Variants in ACTR3C observed in about 807,000 individuals in gnomAD.
ACTR3C encodes actin-related protein 3C.
A neutral mutation model predicts 26.3 loss-of-function variants in ACTR3C; 18 were observed. The observed-to-expected ratio is 0.68, with a 90% CI of 0.47 to 1.01. The LOEUF (loss-of-function observed/expected upper bound fraction) is 1.01. Among genes scored for constraint, ACTR3C ranks in the 50% least tolerant of loss-of-function variants. The pLI is 0.00. For synonymous variants in ACTR3C, 55 were observed against 94.5 expected (o/e 0.58, Z 2.42); for missense variants, 184 against 250.7 (o/e 0.73, Z 1.80).
the ACTR3C span, among the ~76,000 whole-genome samples, chr7:149,962,507 C>T: frequency 2.0e-5 from 3 of 151,994 alleles, no homozygotes; most frequent in African/African-American, 2.4e-5. Context: ...AGGAGCACAT[C>T]GGGAGTCAGG....
chr7:150,285,171 C>T (rs1248172863), intron 5 of ACTR3C, among the ~76,000 whole-genome samples: 1 of 152,104 alleles, frequency 6.6e-6, no homozygotes, highest in East Asian at 1.9e-4. Context: ...ATCTACGTGA[C>T]ACGCAGTGAG....
intron 1 of ACTR3C, among the ~76,000 whole-genome samples, chr7:150,317,969 G>A (rs1371223261): frequency 3.3e-5 from 5 of 152,126 alleles, no homozygotes. Context: ...TGTTAAAAAG[G>A]ACTCTTTATA....
At chr7:149,920,367 C>T in the ACTR3C span, among the ~76,000 whole-genome samples, 1 of 151,278 alleles carries the variant, frequency 6.6e-6, no homozygotes, top group Non-Finnish European at 1.5e-5. Context: ...AGTGCAGTGG[C>T]GCAGTCACAA....
chr7:149,906,533 G>A, the ACTR3C span, among the ~76,000 whole-genome samples: 7,909 of 145,334 alleles, frequency 0.054, 262 homozygotes, highest in African/African-American at 0.094. Context: ...CCGGATTCAA[G>A]TGAGTCTCCT....
At chr7:150,163,364 G>A in the ACTR3C span, among the ~76,000 whole-genome samples, 1 of 149,248 alleles carries the variant, frequency 6.7e-6, no homozygotes, top group Non-Finnish European at 1.5e-5. Flanking sequence ...GTGTGTGTGT[G>A]TATATATATA....
At chr7:150,030,962 T>TA in the ACTR3C span, among the ~76,000 whole-genome samples, 4 of 152,132 alleles carry the variant, frequency 2.6e-5, no homozygotes, top group Admixed American at 6.5e-5. Context: ...GGCATCATTG[T>TA]AAAAAAATCT....
chr7:150,082,618 A>G, the ACTR3C span, among the ~76,000 whole-genome samples: 12 of 152,114 alleles, frequency 7.9e-5, no homozygotes, highest in Non-Finnish European at 1.8e-4. Context: ...GGTTCCATGG[A>G]TATGCATAAT....
chr7:149,904,269 C>T, the ACTR3C span, among the ~76,000 whole-genome samples: 2 of 150,102 alleles, frequency 1.3e-5, no homozygotes, highest in Non-Finnish European at 3.0e-5. Context: ...CAGTGGCTCA[C>T]TCCTGTAATC....
the ACTR3C span, among the ~76,000 whole-genome samples, chr7:150,054,951 T>G: frequency 6.6e-6 from 1 of 152,228 alleles, no homozygotes; most frequent in African/African-American, 2.4e-5. Context: ...AATGCTTTTC[T>G]TTTGTGAATA....
At chr7:149,961,694 G>A in the ACTR3C span, among the ~76,000 whole-genome samples, 4 of 150,932 alleles carry the variant, frequency 2.7e-5, no homozygotes, top group African/African-American at 9.8e-5. Flanking sequence ...AAGAAGTGTA[G>A]GCTTACAGGA....
At chr7:150,092,451 G>T in the ACTR3C span, among the ~76,000 whole-genome samples, 12 of 151,020 alleles carry the variant, frequency 7.9e-5, no homozygotes, top group African/African-American at 3.0e-4. Flanking sequence ...TTTCTCAGGG[G>T]TGTGGACTTT....
the ACTR3C span, among the ~76,000 whole-genome samples, chr7:149,948,644 G>T: frequency 6.8e-6 from 1 of 148,112 alleles, no homozygotes; most frequent in Non-Finnish European, 1.5e-5. Context: ...GCAGTTGCTG[G>T]TGTCAGGTGT....
At chr7:150,069,199 T>C in the ACTR3C span, among the ~76,000 whole-genome samples, 8 of 152,250 alleles carry the variant, frequency 5.3e-5, no homozygotes, top group Non-Finnish European at 1.0e-4. Flanking sequence ...CCAAAACTAC[T>C]GTGTATTTTG....
chr7:150,078,309 G>A, the ACTR3C span, among the ~76,000 whole-genome samples: 1 of 145,506 alleles, frequency 6.9e-6, no homozygotes, highest in African/African-American at 2.6e-5. Flanking sequence ...TCTATCTGTT[G>A]CTTGGGTCCT....
the ACTR3C span, among the ~76,000 whole-genome samples, chr7:150,022,408 G>A: frequency 3.3e-5 from 5 of 151,022 alleles, no homozygotes; most frequent in East Asian, 3.9e-4. Context: ...ATTTTCTCCC[G>A]CTTTGACAAC....
the ACTR3C span, among the ~76,000 whole-genome samples, chr7:150,073,241 C>T: frequency 1.3e-5 from 2 of 152,186 alleles, no homozygotes; most frequent in Non-Finnish European, 2.9e-5. Context: ...GGTCAGGAAG[C>T]CGCATGTTCC....
At chr7:150,018,787 C>T in the ACTR3C span, among the ~76,000 whole-genome samples, 1 of 150,468 alleles carries the variant, frequency 6.6e-6, no homozygotes, top group East Asian at 1.9e-4. Context: ...TTGGGAATAA[C>T]TCAGTTGCTG....
At chr7:150,317,118 C>A (rs1419071017) in intron 1 of ACTR3C, among the ~76,000 whole-genome samples, 1 of 151,856 alleles carries the variant, frequency 6.6e-6, no homozygotes, top group Non-Finnish European at 1.5e-5. Context: ...ATGGCGTGAT[C>A]TCGGCTCACT....
At chr7:150,119,945 C>A in the ACTR3C span, among the ~76,000 whole-genome samples, 1 of 152,184 alleles carries the variant, frequency 6.6e-6, no homozygotes, top group Admixed American at 6.5e-5. Flanking sequence ...CAAAACTGCA[C>A]AACTACATGG....
Sources: allele counts gnomAD v4.1 joint callset (sites outside exome capture counted in the v4.1 genomes callset), GRCh38; gene constraint gnomAD v4.1.1; transcripts MANE v1.5; gene names NCBI Gene and HGNC (gene_info 2026-07-23, HGNC 2026-07-21).